The following FBXL13 variants were observed in gnomAD, a reference collection of about 807,000 sequenced individuals.
FBXL13 encodes the protein F-box and leucine rich repeat protein 13.
Under a neutral mutation model 83.6 loss-of-function variants are expected in FBXL13, and 67 were observed. The ratio of observed to expected loss-of-function variants is 0.80; its 90% confidence interval spans 0.66 to 0.98. The LOEUF (loss-of-function observed/expected upper bound fraction) is 0.98, where lower values mean the gene tolerates loss of function less well. Among genes scored for constraint, FBXL13 ranks in the 50% least tolerant of loss-of-function variants. The probability of loss-of-function intolerance (pLI) is 0.00; values close to 1 mark genes in which losing one functional copy is unlikely to be tolerated. For missense variants in FBXL13, 822 were observed against 866.5 expected, an observed-to-expected ratio of 0.95 and a Z score of 0.64; for synonymous variants, 272 against 299.5, an observed-to-expected ratio of 0.91 and a Z score of 0.95.
chr7:102,968,179 T>TA, intron 6 of FBXL13, 62 bp from the exon 8 acceptor site: 1 of 1,146,718 alleles, frequency 8.7e-7, no homozygotes, highest in South Asian at 1.3e-5. Context: ...CTTGTCCACT[T>TA]ACCTTTTGTC....
At position 103,028,584 on chromosome 7, in the gene FBXL13, C is replaced by T. The variant is rs201360110; in HGVS notation, c.217+16G>A. 2.0e-6 allele frequency: 3 copies of T among 1,505,580 alleles called. No individual in the cohort carries two copies. The highest frequency in any genetic ancestry group is 2.7e-6 in the Non-Finnish European group (3 of 1,122,636). The allele number at this position is 1,505,580 out of a possible 1,614,324, so 93.3% of individuals were successfully genotyped here. A position where few individuals can be genotyped will look rare whatever the true frequency, so the allele number is the denominator to read the frequency against. On this transcript the variant is annotated intron_variant, in intron 4 of 19. Coordinates refer to ENST00000313221, the Ensembl canonical transcript of FBXL13. ...AAATGGATACAAAAAGTAATTGCTA[C>T]TATGTAAGAATTTACTTTTAAGTTT...
In FBXL13 at chr7:102,993,824, C is replaced by T. The variant is rs369420174; in HGVS notation, c.496-25707G>A. 2.0e-5 allele frequency among the ~76,000 whole-genome samples: 3 copies of T among 152,172 alleles called. No individual in the cohort carries two copies. The South Asian group carries it at 6.2e-4, about 31-fold the overall frequency. On this transcript the variant is annotated intron_variant, in intron 6 of 19. Coordinates refer to ENST00000313221, the Ensembl canonical transcript of FBXL13. ...TAACTGAACCTAAAATGCAAGACTA[C>T]AGTTTGTTATGTGTATTCTAAGAAA...
intron 1 of FBXL13, among the ~76,000 whole-genome samples, chr7:103,069,792 G>C (rs569159885): frequency 3.9e-4 from 60 of 152,162 alleles, no homozygotes; most frequent in Non-Finnish European, 6.3e-4. Context: ...AAATTACTAG[G>C]TATGGGCTGG....
At chr7:102,898,834 T>G (rs895996951) in intron 11 of FBXL13, among the ~76,000 whole-genome samples, 1 of 152,206 alleles carries the variant, frequency 6.6e-6, no homozygotes, top group East Asian at 1.9e-4. Context: ...TCTCTTGCAC[T>G]TCAGTGATTT....
chr7:103,017,680 T>C (rs527857833), intron 6 of FBXL13, among the ~76,000 whole-genome samples: 18 of 152,304 alleles, frequency 1.2e-4, no homozygotes, highest in African/African-American at 4.3e-4. Flanking sequence ...GACACATGCA[T>C]AAGCTTCAGT....
In FBXL13 at chr7:102,935,891, G is replaced by A. The variant is rs181303647; in HGVS notation, c.725-3958C>T. ...TTGTTTCTTTAAGGGCAAGAGAAAG[G>A]GGAAGTTCAGAGAGGAGGCCGTGGC... On this transcript the variant is annotated intron_variant, in intron 8 of 19. Coordinates refer to ENST00000313221, the Ensembl canonical transcript of FBXL13. Among the ~76,000 whole-genome samples, 15 of 152,294 alleles carry A rather than the reference G, an allele frequency of 9.8e-5. No individual in the cohort carries two copies. The East Asian group carries it at 2.9e-3, about 29-fold the overall frequency.
intron 16 of FBXL13, among the ~76,000 whole-genome samples, chr7:102,858,332 T>C (rs1400435610): frequency 1.3e-5 from 2 of 152,138 alleles, no homozygotes; most frequent in African/African-American, 4.8e-5. Flanking sequence ...TACAAAATTA[T>C]AGTTTAATAG....
chr7:102,973,206 T>C (rs1826946487), intron 6 of FBXL13: 1 of 234,020 alleles, frequency 4.3e-6, no homozygotes, highest in South Asian at 5.4e-5. Flanking sequence ...GTTCATTTTG[T>C]TTTTGAAAGA....
intron 2 of FBXL13, chr7:103,046,725 G>T (rs1355265743): frequency 6.6e-6 from 1 of 152,184 alleles, no homozygotes; most frequent in Non-Finnish European, 1.5e-5. Flanking sequence ...AATAGTAGAT[G>T]TCTTGATCTG....
chr7:102,852,821 A>G (rs2129451258), intron 17 of FBXL13, among the ~76,000 whole-genome samples: 1 of 152,342 alleles, frequency 6.6e-6, no homozygotes, highest in Middle Eastern at 3.4e-3. Context: ...CATTTGATCC[A>G]GCAATCCCAC....
In FBXL13 at chr7:102,861,982, C is replaced by CAAAAAAAAA. The variant is rs59375342; in HGVS notation, c.1636-7131_1636-7123dup. On this transcript the variant is annotated intron_variant, in intron 16 of 19. Transcript: ENST00000313221. ...GGATGACAGAGTGAGACTGTGTCTC[C>CAAAAAAAAA]AAAAAAAAAAAAAAAATTCACATCT... Among the ~76,000 whole-genome samples, 7 of 120,024 alleles carry CAAAAAAAAA rather than the reference C, an allele frequency of 5.8e-5. No homozygotes were observed. The East Asian group carries it at 7.3e-4, about 13-fold the overall frequency. 78.7% of individuals were successfully genotyped at this position (120,024 alleles called of 152,430 possible).
chr7:102,843,261 T>A (rs1803291552), intron 17 of FBXL13, among the ~76,000 whole-genome samples: 1 of 152,010 alleles, frequency 6.6e-6, no homozygotes, highest in African/African-American at 2.4e-5. Flanking sequence ...CTGACCAACA[T>A]GCTGAAACCC....
chr7:103,013,826 AC>A (rs1791928195), intron 6 of FBXL13, among the ~76,000 whole-genome samples: 1 of 152,124 alleles, frequency 6.6e-6, no homozygotes, highest in South Asian at 2.1e-4. Flanking sequence ...AAAAAACCAT[AC>A]AAAAATCAAT....
intron 11 of FBXL13, among the ~76,000 whole-genome samples, chr7:102,908,598 G>A (rs2129467988): frequency 6.6e-6 from 1 of 152,332 alleles, no homozygotes; most frequent in South Asian, 2.1e-4. Context: ...TGTAATCTAA[G>A]CTGTATCTGC....
rs138689994 is a variant in FBXL13, at chr7:102,852,342, A to C, written c.1719+2435T>G. On this transcript the variant is annotated intron_variant, in intron 17 of 19. Transcript: ENST00000313221. ...CACAAAATTTATTCAATTTGTACTT[A>C]ATTAAACTAAAAAGTTTCAGCACAG... is the stretch of plus-strand genomic sequence containing the variant. Among the ~76,000 whole-genome samples, 19 of 152,268 alleles carry C rather than the reference A, an allele frequency of 1.2e-4. 1 individual carries two copies. The East Asian group carries it at 3.7e-3, about 29-fold the overall frequency.
chr7:102,837,813 G>T (rs1465956683), intron 17 of FBXL13, among the ~76,000 whole-genome samples: 1 of 152,190 alleles, frequency 6.6e-6, no homozygotes, highest in African/African-American at 2.4e-5. Context: ...AAAACGTTGG[G>T]ATTATAGGCA....
rs150260712 is a variant in FBXL13 at position 102,919,067 on chromosome 7, G to T, written c.879-5852C>A. Among the ~76,000 whole-genome samples the T allele has an allele frequency of 3.3e-3, 508 of 152,290 alleles. 5 individuals are homozygous for T. Among genetic ancestry groups the T allele is most frequent in the African/African-American group, 0.012 (487 of 41,558 alleles). ...CCACAGTGGTCACTGGAGCCAGCTTGCACAGCTCATGGGAGTTGATTGTTA... is the reference window on the plus strand; with the variant it reads ...CCACAGTGGTCACTGGAGCCAGCTTTCACAGCTCATGGGAGTTGATTGTTA... On this transcript the variant is annotated intron_variant, in intron 10 of 19. Coordinates refer to ENST00000313221, the Ensembl canonical transcript of FBXL13.
At chr7:103,040,004 C>T (rs557053079) in intron 2 of FBXL13, among the ~76,000 whole-genome samples, 1 of 151,350 alleles carries the variant, frequency 6.6e-6, no homozygotes, top group Non-Finnish European at 1.5e-5. Flanking sequence ...GGGCTAAATG[C>T]CCCAATTAAA....
At chr7:102,964,759 A>G (rs1002324300) in intron 7 of FBXL13, among the ~76,000 whole-genome samples, 8 of 152,170 alleles carry the variant, frequency 5.3e-5, no homozygotes, top group Admixed American at 3.3e-4. Flanking sequence ...ACTTCTAAGA[A>G]TTTATTCTGC....
Sources: allele counts gnomAD v4.1 joint callset (sites outside exome capture counted in the v4.1 genomes callset), GRCh38; gene constraint gnomAD v4.1.1; transcripts MANE v1.5; gene names NCBI Gene and HGNC (gene_info 2026-07-23, HGNC 2026-07-21).